The following PLCB4 variants were observed in gnomAD, a reference collection of about 807,000 sequenced individuals.
PLCB4 encodes 1-phosphatidylinositol 4,5-bisphosphate phosphodiesterase beta-4.
A neutral mutation model predicts 178.8 loss-of-function variants in PLCB4; 77 were observed. The ratio of observed to expected loss-of-function variants is 0.43; its 90% CI spans 0.36 to 0.52. The LOEUF (loss-of-function observed/expected upper bound fraction) is 0.52. Among genes scored for constraint, PLCB4 ranks in the 20% least tolerant of loss-of-function variants. The pLI, the probability that PLCB4 is intolerant of heterozygous loss-of-function variation, is 0.00. For synonymous variants in PLCB4, 496 were observed against 490.8 expected (o/e 1.01, Z -0.14); for missense variants, 1,024 against 1,453.4 (o/e 0.70, Z 4.80).
intron 28 of PLCB4, among the ~76,000 whole-genome samples, chr20:9,427,088 G>A (rs891464671): frequency 9.9e-5 from 15 of 152,122 alleles, no homozygotes; most frequent in African/African-American, 3.6e-4. Flanking sequence ...AGCCTGCCAT[G>A]GTAGCACACG....
intron 32 of PLCB4, among the ~76,000 whole-genome samples, chr20:9,444,803 A>G (rs1009334178): frequency 2.0e-5 from 3 of 152,130 alleles, no homozygotes; most frequent in Non-Finnish European, 4.4e-5. Flanking sequence ...ATGACTATAT[A>G]AAATATTGAA....
At chr20:9,290,196 A>C (rs901099631) in intron 3 of PLCB4, among the ~76,000 whole-genome samples, 1 of 151,984 alleles carries the variant, frequency 6.6e-6, no homozygotes, top group African/African-American at 2.4e-5. Context: ...AAAAAAACTA[A>C]TTGATTGCAG....
intron 3 of PLCB4, among the ~76,000 whole-genome samples, chr20:9,292,535 G>C (rs2094589311): frequency 6.6e-6 from 1 of 152,198 alleles, no homozygotes; most frequent in Non-Finnish European, 1.5e-5. Context: ...CTAAGGGACA[G>C]TGATCAGAGA....
chr20:9,470,842 T>C (rs2044143480), intron 36 of PLCB4, among the ~76,000 whole-genome samples: 1 of 152,216 alleles, frequency 6.6e-6, no homozygotes, highest in Non-Finnish European at 1.5e-5. Flanking sequence ...CTGCTATCTC[T>C]TATAAGTTTG....
chr20:9,285,062 A>T (rs1011581860), intron 3 of PLCB4, among the ~76,000 whole-genome samples: 13 of 151,828 alleles, frequency 8.6e-5, no homozygotes, highest in African/African-American at 2.9e-4. Flanking sequence ...ATTTTTACAA[A>T]CTCATTTTCT....
intron 7 of PLCB4, among the ~76,000 whole-genome samples, chr20:9,355,480 TC>T (rs904421479): frequency 6.6e-6 from 1 of 151,812 alleles, no homozygotes; most frequent in African/African-American, 2.4e-5. Context: ...GAGTGTGATG[TC>T]CCCCTTCCTG....
chr20:9,453,196 G>C (rs747503097), intron 32 of PLCB4, 151 bp from the exon 33 acceptor site: 5 of 541,018 alleles, frequency 9.2e-6, no homozygotes, highest in East Asian at 3.0e-5. Context: ...GTGTTGAATG[G>C]GAGATCTGGA....
Position 9,409,188 on chromosome 20 carries a change from G to A in PLCB4, c.1999+7G>A. 1.9e-6 allele frequency: 3 copies of A among 1,586,696 alleles called. No individual in the cohort carries two copies. The highest frequency in any genetic ancestry group is 1.7e-6 in the Non-Finnish European group (2 of 1,172,934). ...CTGAACTATCAAACCCCAGGTAGGA[G>A]CTGATGTCCAGTGACCCCAAATTCC... On this transcript the variant is annotated splice_region_variant and intron_variant, in intron 24 of 39. Transcript: ENST00000378473.
At chr20:9,474,771 G>A (rs1166119151) in intron 38 of PLCB4, among the ~76,000 whole-genome samples, 5 of 152,050 alleles carry the variant, frequency 3.3e-5, no homozygotes, top group South Asian at 4.1e-4. Flanking sequence ...TTACTTTTTG[G>A]TGGACAGAAA....
chr20:9,284,679 A>G (rs1428783803), intron 3 of PLCB4, among the ~76,000 whole-genome samples: 2 of 151,968 alleles, frequency 1.3e-5, no homozygotes, highest in East Asian at 3.9e-4. Flanking sequence ...GCTAATCATC[A>G]GTATCTATGA....
intron 9 of PLCB4, among the ~76,000 whole-genome samples, chr20:9,367,823 A>G (rs1355220423): frequency 1.3e-5 from 2 of 152,234 alleles, no homozygotes; most frequent in Non-Finnish European, 2.9e-5. Flanking sequence ...ATACAAAATT[A>G]TTACCACCTT....
intron 4 of PLCB4, among the ~76,000 whole-genome samples, chr20:9,323,868 A>G (rs972204731): frequency 1.3e-5 from 2 of 152,144 alleles, no homozygotes; most frequent in South Asian, 2.1e-4. Context: ...CAATGTTCTC[A>G]GCTGTACTGC....
chr20:9,229,634 A>G (rs1296082656), intron 3 of PLCB4, among the ~76,000 whole-genome samples: 1 of 151,548 alleles, frequency 6.6e-6, no homozygotes, highest in Non-Finnish European at 1.5e-5. Flanking sequence ...TTTATTTGGT[A>G]CCTTTTAATA....
At chr20:9,456,016 A>C (rs936875735) in intron 33 of PLCB4, among the ~76,000 whole-genome samples, 13 of 152,008 alleles carry the variant, frequency 8.6e-5, no homozygotes, top group Non-Finnish European at 1.6e-4. Context: ...TTGTATTTTT[A>C]ATAGAAATGG....
chr20:9,181,434 C>G (rs1349089029), intron 2 of PLCB4, among the ~76,000 whole-genome samples: 2 of 152,138 alleles, frequency 1.3e-5, no homozygotes, highest in Non-Finnish European at 2.9e-5. Context: ...TTCTGAGTCT[C>G]TTACTTCAGG....
chr20:9,365,633 C>A, intron 9 of PLCB4, 119 bp downstream of exon 9: 1 of 546,412 alleles, frequency 1.8e-6, no homozygotes, highest in Non-Finnish European at 3.3e-6. Context: ...TTTCTGGAAT[C>A]TTAGTTTCAA....
chr20:9,194,079 A>G (rs186623741), intron 2 of PLCB4, among the ~76,000 whole-genome samples: 41 of 152,316 alleles, frequency 2.7e-4, no homozygotes, highest in Admixed American at 2.0e-4. Flanking sequence ...GTGTTTTTAA[A>G]CAACTGAATG....
intron 7 of PLCB4, among the ~76,000 whole-genome samples, chr20:9,345,026 A>G (rs936635674): frequency 1.3e-5 from 2 of 152,186 alleles, no homozygotes; most frequent in African/African-American, 2.4e-5. Context: ...CTAAAAAAAA[A>G]CAAAAACAAA....
rs571856815 is a variant in PLCB4 at position 9,340,238 on chromosome 20, T to C, written c.369+1201T>C. ...ACAAAACTTAACCATGAATCCAGGATAACTTATGGCAGAATTGAGTTCTGT... is the reference window on the plus strand; with the variant it reads ...ACAAAACTTAACCATGAATCCAGGACAACTTATGGCAGAATTGAGTTCTGT... On this transcript the variant is annotated intron_variant, in intron 7 of 39. Transcript: ENST00000378473. Among the ~76,000 whole-genome samples the C allele has an allele frequency of 5.3e-5, 8 of 152,260 alleles. No homozygotes were observed. In the East Asian group the frequency reaches 7.7e-4, roughly 15 times the overall value.
Sources: allele counts gnomAD v4.1 joint callset (sites outside exome capture counted in the v4.1 genomes callset), GRCh38; gene constraint gnomAD v4.1.1; transcripts MANE v1.5; gene names NCBI Gene and HGNC (gene_info 2026-07-23, HGNC 2026-07-21).